The following CLIP4 variants were observed in gnomAD, a reference collection of about 807,000 sequenced individuals.
CLIP4 encodes the protein CAP-Gly domain containing linker protein family member 4, also known as CAP-Gly domain-containing linker protein 4.
A neutral mutation model predicts 73.1 loss-of-function variants in CLIP4; 47 were observed. The ratio of observed to expected loss-of-function variants is 0.64; its 90% CI spans 0.51 to 0.82. The LOEUF is 0.82. Ranked by LOEUF, CLIP4 falls within the 40% of genes least tolerant of loss-of-function variation. CLIP4 has a pLI of 0.00. For missense variants in CLIP4, 874 were observed against 852.9 expected, an observed-to-expected ratio of 1.02 and a Z score of -0.31; for synonymous variants, 306 against 295.4, an observed-to-expected ratio of 1.04 and a Z score of -0.37.
At chr2:29,169,654 C>T (rs750907869) in intron 14 of CLIP4, among the ~76,000 whole-genome samples, 1 of 151,912 alleles carries the variant, frequency 6.6e-6, no homozygotes, top group Admixed American at 6.6e-5. Context: ...TTTTGGGGTA[C>T]ATGTGATAAT....
chr2:29,182,900 CA>C lies in CLIP4; in HGVS notation c.*1008del, dbSNP rs1417989186. ...CAGAAGAGAGCAAATAAAGATATAT[CA>C]GGAAGGATGTATTAGTTATTTACTT... On this transcript the variant is annotated 3_prime_UTR_variant, in exon 16 of 16. Coordinates refer to ENST00000320081, the MANE Select transcript of CLIP4 (RefSeq NM_024692.6). 6.6e-6 allele frequency: 1 copy of C among 152,530 alleles called. No homozygotes were observed. The highest frequency in any genetic ancestry group is 1.5e-5 in the Non-Finnish European group (1 of 68,014). The allele number at this position is 152,530 out of a possible 1,614,324, so 9.4% of individuals were successfully genotyped here.
upstream of CLIP4, chr2:29,114,064 T>TGAC (rs1668453306): frequency 6.6e-6 from 1 of 152,186 alleles, no homozygotes; most frequent in South Asian, 2.1e-4. Flanking sequence ...CTGACCAGGG[T>TGAC]CAGGGATGGT....
At chr2:29,145,495 G>C in intron 8 of CLIP4, 128 bp downstream of exon 8, 1 of 709,508 alleles carries the variant, frequency 1.4e-6, no homozygotes. Context: ...GTGGATGTAG[G>C]GAGGACTTTT....
In CLIP4 at chr2:29,145,312, A is replaced by G. The variant is rs1326615632; in HGVS notation, c.966A>G (p.Gly322=). The change falls in exon 8 of 16, where the codon GGA becomes GGG. Residue 322 remains glycine, a synonymous_variant. Coordinates refer to ENST00000320081, the MANE Select transcript of CLIP4 (RefSeq NM_024692.6). ...GCATTGAACTGGATGAACCAGAAGG[A>G]AAAAATAATGGAAGTGTTGGAAAAG... ...WAGIELDEPE[G]KNNGSVGKVQ... is the part of the protein sequence containing the mutation. 1.2e-6 allele frequency: 2 copies of G among 1,613,398 alleles called. No homozygotes were observed. The highest frequency in any genetic ancestry group is 2.2e-5 in the East Asian group (1 of 44,846).
At chr2:29,100,145 G>T (rs1667998578) in intron 1 of CLIP4, among the ~76,000 whole-genome samples, 1 of 151,768 alleles carries the variant, frequency 6.6e-6, no homozygotes, top group Non-Finnish European at 1.5e-5. Flanking sequence ...GCCCAGGCTG[G>T]TCTCAAACTC....
chr2:29,107,370 T>TTTG (rs1668249080), intron 1 of CLIP4, among the ~76,000 whole-genome samples: 2 of 114,892 alleles, frequency 1.7e-5, no homozygotes, highest in African/African-American at 3.9e-5. Context: ...TTTTTTTTTT[T>TTTG]TTTTTTTTTT....
At chr2:29,159,746 C>G (rs1302455697) in intron 11 of CLIP4, among the ~76,000 whole-genome samples, 4 of 148,156 alleles carry the variant, frequency 2.7e-5, no homozygotes, top group Admixed American at 2.0e-4. Context: ...TACACTGAGT[C>G]TAAGTGAACT....
intron 8 of CLIP4, among the ~76,000 whole-genome samples, chr2:29,152,273 C>A (rs1666623590): frequency 6.6e-6 from 1 of 151,954 alleles, no homozygotes; most frequent in South Asian, 2.1e-4. Context: ...TGTTATTTGC[C>A]AATTGCTTAG....
At chr2:29,124,277 G>C (rs1322220940) in intron 2 of CLIP4, among the ~76,000 whole-genome samples, 1 of 152,112 alleles carries the variant, frequency 6.6e-6, no homozygotes, top group East Asian at 1.9e-4. Flanking sequence ...TAGAATTATA[G>C]GTTGGTAGTT....
intron 15 of CLIP4, among the ~76,000 whole-genome samples, chr2:29,177,233 A>C (rs1426855824): frequency 2.6e-5 from 4 of 151,940 alleles, no homozygotes; most frequent in African/African-American, 9.7e-5. Flanking sequence ...ACATGGTGAA[A>C]GCCCCTGTCT....
intron 5 of CLIP4, 30 bp from the exon 6 acceptor site, chr2:29,135,518 A>C: frequency 6.7e-7 from 1 of 1,485,626 alleles, no homozygotes; most frequent in South Asian, 1.2e-5. Context: ...TTAAACTTTT[A>C]GTTAATATAC....
At chr2:29,110,290 A>T (rs1668352462) in intron 1 of CLIP4, among the ~76,000 whole-genome samples, 1 of 152,180 alleles carries the variant, frequency 6.6e-6, no homozygotes, top group Non-Finnish European at 1.5e-5. Context: ...CAACCTTGAC[A>T]AAGGAGATGG....
rs1451100779 is a variant in CLIP4 at position 29,135,564 on chromosome 2, C to T, written c.546C>T (p.Cys182=). 6.2e-7 allele frequency: 1 copy of T among 1,607,234 alleles called. No homozygotes were observed. The highest frequency in any genetic ancestry group is 1.3e-5 in the African/African-American group (1 of 74,672). Residue 182 remains cysteine, a synonymous_variant, in exon 6 of 16, where the codon TGC becomes TGT. Coordinates refer to ENST00000320081, the MANE Select transcript of CLIP4 (RefSeq NM_024692.6). ...TAATTGCAGATGTGGATGCCACTTG[C>T]AGTGATTTTAATTTTGGAACAGCTT... ...TSKPKDVDAT[C]SDFNFGTALH...
At position 29,104,606 on chromosome 2, in the gene CLIP4, G is replaced by A. The variant is rs78136184; in HGVS notation, c.-16+6659G>A. Among the ~76,000 whole-genome samples the A allele has an allele frequency of 6.8e-3, 1,040 of 152,310 alleles. 17 individuals are homozygous for A. The highest frequency in any genetic ancestry group is 0.024 in the African/African-American group (1,011 of 41,574). On this transcript the variant is annotated intron_variant, in intron 1 of 14. Coordinates refer to the CLIP4 transcript ENST00000401605. Reference sequence around the variant, plus strand: ...CCAGCCTCTGGGGTCTCTTTGGATTGTAGGAGCTGAGGACTGTGTGGAGCT... The same window carrying A: ...CCAGCCTCTGGGGTCTCTTTGGATTATAGGAGCTGAGGACTGTGTGGAGCT...
intron 2 of CLIP4, chr2:29,130,840 T>C (rs773664424): frequency 7.8e-7 from 1 of 1,289,420 alleles, no homozygotes; most frequent in South Asian, 1.2e-5. Flanking sequence ...CAAAAAAACC[T>C]CAATGAGTCC....
rs777824531 is a variant in CLIP4 at position 29,152,811 on chromosome 2, C to T, written c.1148C>T (p.Thr383Met). The T allele has an allele frequency of 1.4e-5, 22 of 1,613,268 alleles. No homozygotes were observed. The highest frequency in any genetic ancestry group is 7.7e-5 in the South Asian group (7 of 90,944). Residue 383 changes from threonine (T) to methionine (M), a missense_variant, in exon 9 of 16, where the codon ACG becomes ATG. Transcript: ENST00000320081. ...RSQKIDVAHV[T>M]SKVNTGLMTS... ...CAGAAAATTGACGTAGCTCATGTGA[C>T]GTCAAAAGTAAATACTGGTAGGTCA...
At chr2:29,102,896 G>A (rs945284697) in intron 1 of CLIP4, among the ~76,000 whole-genome samples, 3 of 152,176 alleles carry the variant, frequency 2.0e-5, no homozygotes, top group African/African-American at 7.2e-5. Flanking sequence ...GGGATTACAG[G>A]TGTGAGCCAC....
chr2:29,151,264 TAATTC>T (rs2148020954), intron 8 of CLIP4, among the ~76,000 whole-genome samples: 1 of 152,246 alleles, frequency 6.6e-6, no homozygotes, highest in African/African-American at 2.4e-5. Flanking sequence ...TCTTTAAAAT[TAATTC>T]TATAAAGTGG....
chr2:29,174,652 T>C, intron 15 of CLIP4: 1 of 1,301,016 alleles, frequency 7.7e-7, no homozygotes. Flanking sequence ...CTAAAACTAG[T>C]GCACTGCATA....
Sources: allele counts gnomAD v4.1 joint callset (sites outside exome capture counted in the v4.1 genomes callset), GRCh38; gene constraint gnomAD v4.1.1; transcripts MANE v1.5; gene names NCBI Gene and HGNC (gene_info 2026-07-23, HGNC 2026-07-21).